ASTN2: variants seen among roughly 807,000 people sequenced by gnomAD.
ASTN2 encodes astrotactin 2, also known as astrotactin-2.
In ASTN2, 54 loss-of-function variants were observed where a neutral mutation model predicts 139.8. The ratio of observed to expected loss-of-function variants is 0.39; its 90% CI spans 0.31 to 0.48. The LOEUF is 0.48. ASTN2 is among the 20% of genes least tolerant of loss of function. The probability of loss-of-function intolerance (pLI) is 0.95; values close to 1 mark genes in which losing one functional copy is unlikely to be tolerated. For missense variants in ASTN2, 1,565 were observed against 1,725.1 expected (o/e 0.91, Z 1.64); for synonymous variants, 756 against 719.5 (o/e 1.05, Z -0.81).
intron 4 of ASTN2, among the ~76,000 whole-genome samples, chr9:117,098,300 G>A (rs1828887220): frequency 6.6e-6 from 1 of 152,164 alleles, no homozygotes; most frequent in Non-Finnish European, 1.5e-5. Context: ...GTGATGCTCA[G>A]AAAAGAAAAA....
intron 17 of ASTN2, among the ~76,000 whole-genome samples, chr9:116,634,990 G>GC (rs1470149431): frequency 2.0e-5 from 3 of 152,144 alleles, no homozygotes. Flanking sequence ...GCAAGAGGAA[G>GC]CTACAACTAA....
chr9:117,127,729 G>A (rs1435845653), intron 4 of ASTN2, among the ~76,000 whole-genome samples: 2 of 129,736 alleles, frequency 1.5e-5, no homozygotes, highest in Non-Finnish European at 3.1e-5. Flanking sequence ...TGCCCAGGCT[G>A]GAGTGCAGTG....
At chr9:117,016,810 G>A (rs1277868301) in intron 6 of ASTN2, among the ~76,000 whole-genome samples, 1 of 72,672 alleles carries the variant, frequency 1.4e-5, no homozygotes, top group African/African-American at 4.4e-5. Context: ...TTATATATAT[G>A]TTTTATATAT....
chr9:116,860,945 G>C (rs1473465006), intron 11 of ASTN2, among the ~76,000 whole-genome samples: 1 of 152,188 alleles, frequency 6.6e-6, no homozygotes, highest in African/African-American at 2.4e-5. Context: ...AGAGTCTACA[G>C]AGAAATGAAA....
chr9:116,668,493 C>A lies in ASTN2; in HGVS notation c.2807-16700G>T, dbSNP rs560834705. Among the ~76,000 whole-genome samples, 3 of 152,224 alleles carry A rather than the reference C, an allele frequency of 2.0e-5. No individual in the cohort carries two copies. In the East Asian group the frequency reaches 5.8e-4, roughly 29 times the overall value. ...AGGCATAAGCCACCATGCCCGGCCGCCTTCTTTTACTTACTAATATGCATT... is the reference window on the plus strand; with the variant it reads ...AGGCATAAGCCACCATGCCCGGCCGACTTCTTTTACTTACTAATATGCATT... On this transcript the variant is annotated intron_variant, in intron 16 of 22. Coordinates refer to ENST00000313400, the MANE Select transcript of ASTN2 (RefSeq NM_001365068.1).
chr9:116,855,277 A>G (rs894648217), intron 11 of ASTN2, among the ~76,000 whole-genome samples: 2 of 151,944 alleles, frequency 1.3e-5, no homozygotes, highest in Non-Finnish European at 2.9e-5. Context: ...CTCCAAATTC[A>G]TAAAGGAAAG....
intron 2 of ASTN2, among the ~76,000 whole-genome samples, chr9:117,264,742 A>G (rs1469253948): frequency 2.6e-5 from 4 of 152,242 alleles, no homozygotes; most frequent in African/African-American, 4.8e-5. Context: ...AAACTTACTT[A>G]ATACTGGAAG....
intron 1 of ASTN2, among the ~76,000 whole-genome samples, chr9:117,297,272 G>C (rs1250682886): frequency 6.6e-6 from 1 of 152,174 alleles, no homozygotes; most frequent in Non-Finnish European, 1.5e-5. Context: ...CATTACATGA[G>C]ATGAACTCAC....
At chr9:117,171,520 C>T (rs1211297338) in intron 3 of ASTN2, among the ~76,000 whole-genome samples, 1 of 152,136 alleles carries the variant, frequency 6.6e-6, no homozygotes, top group East Asian at 1.9e-4. Context: ...GCTGTGTCCC[C>T]ACCCAAATCT....
intron 6 of ASTN2, among the ~76,000 whole-genome samples, chr9:117,038,643 A>G (rs1286123317): frequency 2.0e-5 from 3 of 152,234 alleles, no homozygotes; most frequent in Non-Finnish European, 2.9e-5. Flanking sequence ...AAGGGTAAAA[A>G]GTTCTAAAAC....
intron 3 of ASTN2, among the ~76,000 whole-genome samples, chr9:117,185,766 T>G (rs1210895562): frequency 6.6e-6 from 1 of 151,984 alleles, no homozygotes; most frequent in Non-Finnish European, 1.5e-5. Context: ...GCCATGGGCA[T>G]GCAGAGGTTA....
At chr9:117,010,666 T>C (rs1450916330) in intron 6 of ASTN2, among the ~76,000 whole-genome samples, 1 of 137,168 alleles carries the variant, frequency 7.3e-6, no homozygotes, top group East Asian at 2.5e-4. Flanking sequence ...GTCAGAATCA[T>C]CAGAAAACAG....
intron 19 of ASTN2, among the ~76,000 whole-genome samples, chr9:116,556,753 A>C (rs1320616916): frequency 6.6e-6 from 1 of 152,174 alleles, no homozygotes; most frequent in Non-Finnish European, 1.5e-5. Context: ...ATATAAATCT[A>C]TGACCAGACC....
intron 10 of ASTN2, among the ~76,000 whole-genome samples, chr9:116,927,866 C>T (rs1441855336): frequency 1.3e-5 from 2 of 152,222 alleles, no homozygotes; most frequent in South Asian, 2.1e-4. Context: ...CCTGTTGCTG[C>T]ATAAAACTGG....
intron 22 of ASTN2, 87 bp from the exon 23 acceptor site, chr9:116,426,175 G>A (rs1847304878): frequency 1.3e-6 from 2 of 1,525,364 alleles, no homozygotes; most frequent in South Asian, 2.3e-5. Context: ...CAAACAAATG[G>A]TAACTTCTCC....
At chr9:117,057,574 A>T (rs1839098731) in intron 5 of ASTN2, among the ~76,000 whole-genome samples, 1 of 152,218 alleles carries the variant, frequency 6.6e-6, no homozygotes, top group Admixed American at 6.5e-5. Flanking sequence ...ATCTATGTAT[A>T]TATGTGAAGA....
intron 5 of ASTN2, among the ~76,000 whole-genome samples, chr9:117,046,152 C>T (rs1378176515): frequency 6.6e-6 from 1 of 152,032 alleles, no homozygotes; most frequent in East Asian, 1.9e-4. Flanking sequence ...AGGCAAACGC[C>T]ACCACACCTG....
chr9:117,081,580 T>C (rs1392380572), intron 5 of ASTN2, among the ~76,000 whole-genome samples: 1 of 152,136 alleles, frequency 6.6e-6, no homozygotes, highest in Non-Finnish European at 1.5e-5. Flanking sequence ...GGTGAAAGGA[T>C]TTTTCAAATG....
At chr9:117,024,366 G>A (rs968535658) in intron 6 of ASTN2, among the ~76,000 whole-genome samples, 9 of 152,094 alleles carry the variant, frequency 5.9e-5, no homozygotes, top group Non-Finnish European at 1.3e-4. Flanking sequence ...TCAATAACAG[G>A]AATCATAATT....
Sources: allele counts gnomAD v4.1 joint callset (sites outside exome capture counted in the v4.1 genomes callset), GRCh38; gene constraint gnomAD v4.1.1; transcripts MANE v1.5; gene names NCBI Gene and HGNC (gene_info 2026-07-23, HGNC 2026-07-21).